LBR: variants seen among roughly 807,000 people sequenced by gnomAD.
LBR encodes the protein delta(14)-sterol reductase LBR.
LBR carries 28 observed loss-of-function variants against 74.3 expected under a neutral mutation model. That is an observed-to-expected ratio of 0.38 (90% confidence interval 0.28 to 0.52). LBR has a LOEUF of 0.52. LBR is among the 20% of genes least tolerant of loss of function. The probability of loss-of-function intolerance (pLI) is 0.89; values close to 1 mark genes in which losing one functional copy is unlikely to be tolerated. For missense variants in LBR, 717 were observed against 760.3 expected, an observed-to-expected ratio of 0.94 and a Z score of 0.67; for synonymous variants, 228 against 269.3, an observed-to-expected ratio of 0.85 and a Z score of 1.50.
At chr1:225,408,571 T>C (rs1268884161) in intron 10 of LBR, among the ~76,000 whole-genome samples, 1 of 152,246 alleles carries the variant, frequency 6.6e-6, no homozygotes, top group Admixed American at 6.5e-5. Context: ...AGCACATTCT[T>C]GAATACAGAG....
Position 225,417,681 on chromosome 1 carries a change from G to A in LBR, c.837+303C>T, listed in dbSNP as rs76504670. 2,143 of 280,054 alleles carry A rather than the reference G, an allele frequency of 7.7e-3. 42 individuals are homozygous for A. Among genetic ancestry groups the A allele is most frequent in the African/African-American group, 0.042 (1,936 of 45,678 alleles). The allele number at this position is 280,054 out of a possible 1,614,324, so 17.3% of individuals were successfully genotyped here. ...CAAAATAGCCTATTCTTTTCTATTT[G>A]GTTTGAAAAGTTACACAAGAAATCT... On this transcript the variant is annotated intron_variant, in intron 6 of 13. Coordinates refer to ENST00000272163, the MANE Select transcript of LBR (RefSeq NM_002296.4).
Position 225,416,301 on chromosome 1 carries a change from CAG to C in LBR, c.838-971_838-970del, listed in dbSNP as rs961140185. Among the ~76,000 whole-genome samples, 8 of 152,252 alleles carry C rather than the reference CAG, an allele frequency of 5.3e-5. 1 individual carries two copies. Among genetic ancestry groups the C allele is most frequent in the Admixed American group, 3.9e-4 (6 of 15,290 alleles). ...TCGGCATCACTCACAGCATTCAGCACAGAGATACCCACAGGCATGGTACCCAA... is the reference window on the plus strand; with the variant it reads ...TCGGCATCACTCACAGCATTCAGCACAGATACCCACAGGCATGGTACCCAA... On this transcript the variant is annotated intron_variant, in intron 6 of 13. Transcript: ENST00000272163.
chr1:225,412,649 T>TAAAAA lies in LBR; in HGVS notation c.893-9_893-5dup. The TAAAAA allele has an allele frequency of 1.4e-6, 2 of 1,406,554 alleles. No individual in the cohort carries two copies. Among genetic ancestry groups the TAAAAA allele is most frequent in the Non-Finnish European group, 9.7e-7 (1 of 1,035,070 alleles). 87.1% of individuals were successfully genotyped at this position (1,406,554 alleles called of 1,614,324 possible). ...GTCAGGATAAAAGCATAGAATCCTT[T>TAAAAA]AAAAAAAAAAAAAAAAGGAAGTGGA... On this transcript the variant is annotated splice_region_variant and splice_polypyrimidine_tract_variant and intron_variant, in intron 7 of 13. Coordinates refer to ENST00000272163, the MANE Select transcript of LBR (RefSeq NM_002296.4).
intron 11 of LBR, among the ~76,000 whole-genome samples, chr1:225,406,352 C>T (rs1342811073): frequency 6.6e-6 from 1 of 152,162 alleles, no homozygotes; most frequent in African/African-American, 2.4e-5. Flanking sequence ...TTATAAGATG[C>T]CTACCAGAAA....
chr1:225,403,560 A>G, intron 13 of LBR, 97 bp from the exon 14 acceptor site: 1 of 901,138 alleles, frequency 1.1e-6, no homozygotes. Flanking sequence ...ATGGAACCAC[A>G]AGGTACTTCA....
chr1:225,428,229 G>T (rs1388816625), upstream of LBR, among the ~76,000 whole-genome samples: 2 of 152,116 alleles, frequency 1.3e-5, no homozygotes, highest in African/African-American at 4.8e-5. Flanking sequence ...TGGCGCGTCC[G>T]CCCCGCCCCA....
intron 7 of LBR, among the ~76,000 whole-genome samples, chr1:225,413,481 C>T (rs1000760964): frequency 2.0e-5 from 3 of 152,200 alleles, no homozygotes; most frequent in Admixed American, 6.5e-5. Flanking sequence ...TTTGGATAAA[C>T]GGTCAAAAGC....
intron 10 of LBR, among the ~76,000 whole-genome samples, chr1:225,409,413 C>T (rs551287288): frequency 3.8e-4 from 58 of 152,242 alleles, no homozygotes; most frequent in African/African-American, 1.3e-3. Context: ...AATTAAAGAC[C>T]AGCCAGCAGG....
chr1:225,403,195 A>AG lies in LBR; in HGVS notation c.*107dup. 1.9e-6 allele frequency: 2 copies of AG among 1,045,914 alleles called. No homozygotes were observed. The allele number at this position is 1,045,914 out of a possible 1,614,324, so 64.8% of individuals were successfully genotyped here. A position where few individuals can be genotyped will look rare whatever the true frequency, so the allele number is the denominator to read the frequency against. ...GTCCTGACTCAAAAAGAAAAAAAAA[A>AG]GTACAGACCCTGTCAGTGCAACAAA... is the stretch of plus-strand genomic sequence containing the variant. On this transcript the variant is annotated 3_prime_UTR_variant, in exon 14 of 14. Coordinates refer to ENST00000272163, the MANE Select transcript of LBR (RefSeq NM_002296.4).
chr1:225,413,269 G>A (rs972009238), intron 7 of LBR, among the ~76,000 whole-genome samples: 5 of 152,322 alleles, frequency 3.3e-5, no homozygotes, highest in Middle Eastern at 3.4e-3. Flanking sequence ...GACAGCAGGC[G>A]GGGACATTCA....
chr1:225,411,248 A>G (rs1260455771), intron 9 of LBR, 89 bp downstream of exon 9: 1 of 909,756 alleles, frequency 1.1e-6, no homozygotes, highest in East Asian at 2.4e-5. Context: ...TATACCACCC[A>G]CTGCTTATTT....
At chr1:225,425,542 G>A (rs751357577) in intron 1 of LBR, among the ~76,000 whole-genome samples, 2 of 152,170 alleles carry the variant, frequency 1.3e-5, no homozygotes, top group Non-Finnish European at 2.9e-5. Flanking sequence ...CACCCGAGGG[G>A]CACTTAGGGA....
chr1:225,408,235 C>T (rs1260609404), intron 10 of LBR, among the ~76,000 whole-genome samples: 3 of 152,180 alleles, frequency 2.0e-5, no homozygotes. Flanking sequence ...CTACTTTATA[C>T]TTCTATGACA....
chr1:225,424,599 T>G (rs1187053154), intron 1 of LBR, among the ~76,000 whole-genome samples: 1 of 152,210 alleles, frequency 6.6e-6, no homozygotes, highest in Non-Finnish European at 1.5e-5. Flanking sequence ...TGAATAAATT[T>G]GGGGGTTATT....
At chr1:225,413,317 G>A (rs940743295) in intron 7 of LBR, among the ~76,000 whole-genome samples, 1 of 152,206 alleles carries the variant, frequency 6.6e-6, no homozygotes, top group Non-Finnish European at 1.5e-5. Flanking sequence ...GCCCTGTGAC[G>A]CTCCACAGAA....
rs188426506 is a variant in LBR, at chr1:225,401,929, T to C, written c.*1374A>G. On this transcript the variant is annotated 3_prime_UTR_variant, in exon 14 of 14. Transcript: ENST00000272163. ...ACACTGCATATCTAAATGGCTCATA[T>C]ATAAAATGTGTAATTAAAACCCAAA... 6.6e-6 allele frequency: 1 copy of C among 152,342 alleles called. No homozygotes were observed. The highest frequency in any genetic ancestry group is 1.9e-4 in the East Asian group (1 of 5,188). 9.4% of individuals were successfully genotyped at this position (152,342 alleles called of 1,614,324 possible). A position where few individuals can be genotyped will look rare whatever the true frequency, so the allele number is the denominator to read the frequency against.
chr1:225,412,510 T>G lies in LBR; in HGVS notation c.1028A>C (p.Tyr343Ser), dbSNP rs1575223299. 1 of 1,613,962 alleles carries G rather than the reference T, an allele frequency of 6.2e-7. No individual in the cohort carries two copies. The highest frequency in any genetic ancestry group is 1.3e-5 in the African/African-American group (1 of 74,856). The change falls in exon 8 of 14, where the codon TAT (tyrosine) becomes TCT (serine). Residue 343 changes from tyrosine to serine, a missense_variant. Physicochemically the swap from Tyr to Ser is moderately radical, Grantham distance 144. Coordinates refer to ENST00000272163, the MANE Select transcript of LBR (RefSeq NM_002296.4). ...ATVFCVVLSV[Y>S]LYMRSLKAPR... ...CGCTTTCAAAGAGCGCATGTAGAGA[T>G]ACACACTCAAGACCACACAAAAAAC... is the stretch of plus-strand genomic sequence containing the variant.
At position 225,415,310 on chromosome 1, in the gene LBR, A is replaced by G. The variant is rs201093644; in HGVS notation, c.860T>C (p.Ile287Thr). Residue 287 changes from isoleucine to threonine, a missense_variant, in exon 7 of 14, where the codon ATT (isoleucine) becomes ACT (threonine). Physicochemically the swap from Ile to Thr is moderately conservative, Grantham distance 89. Transcript: ENST00000272163. ...IGKVVEGTPL[I>T]DGRRLKYRLN... The stretch of plus-strand genomic sequence containing the variant: ...TCTATACTTGAGTCTTCTTCCATCA[A>G]TAAGAGGCGTTCCTTCTACAACCTT... The G allele has an allele frequency of 5.6e-6, 9 of 1,595,692 alleles. No homozygotes were observed. The highest frequency in any genetic ancestry group is 3.4e-5 in the Admixed American group (2 of 59,378).
intron 7 of LBR, among the ~76,000 whole-genome samples, chr1:225,412,931 AC>A (rs2096109225): frequency 6.6e-6 from 1 of 152,188 alleles, no homozygotes; most frequent in Non-Finnish European, 1.5e-5. Context: ...AAGAAGTGCA[AC>A]CTGAAAATTC....
Sources: allele counts gnomAD v4.1 joint callset (sites outside exome capture counted in the v4.1 genomes callset), GRCh38; gene constraint gnomAD v4.1.1; transcripts MANE v1.5; gene names NCBI Gene and HGNC (gene_info 2026-07-23, HGNC 2026-07-21).